Variants in SLC41A2 observed in about 807,000 individuals in gnomAD.
SLC41A2 encodes solute carrier family 41 member 2.
SLC41A2 carries 32 observed loss-of-function variants against 58.3 expected under a neutral mutation model. That is an observed-to-expected ratio of 0.55 (90% CI 0.41 to 0.74). The LOEUF is 0.74. SLC41A2 is among the 30% of genes least tolerant of loss of function. The probability of loss-of-function intolerance (pLI) is 0.00; values close to 1 mark genes in which losing one functional copy is unlikely to be tolerated. For synonymous variants in SLC41A2, 190 were observed against 235.0 expected, an observed-to-expected ratio of 0.81 and a Z score of 1.75; for missense variants, 514 against 680.6, an observed-to-expected ratio of 0.76 and a Z score of 2.72.
intron 10 of SLC41A2, among the ~76,000 whole-genome samples, chr12:104,818,000 ATGATAATTTTG>A (rs1489036721): frequency 6.6e-6 from 1 of 152,234 alleles, no homozygotes; most frequent in African/African-American, 2.4e-5. Flanking sequence ...TCACAAAAAA[ATGATAATTTTG>A]TGAGGAATGG....
intron 10 of SLC41A2, among the ~76,000 whole-genome samples, chr12:104,827,934 G>A (rs1056155214): frequency 2.0e-4 from 30 of 151,762 alleles, no homozygotes; most frequent in African/African-American, 7.0e-4. Flanking sequence ...CTGTGTAGAG[G>A]AGGGCATAGT....
chr12:104,805,458 G>T, intron 10 of SLC41A2, 121 bp from the exon 11 acceptor site: 1 of 646,024 alleles, frequency 1.5e-6, no homozygotes, highest in Non-Finnish European at 2.4e-6. Context: ...CAAGAACCAT[G>T]CTTGAAAATA....
chr12:104,949,281 T>C (rs995274165), intron 1 of SLC41A2, among the ~76,000 whole-genome samples: 2 of 152,156 alleles, frequency 1.3e-5, no homozygotes, highest in Non-Finnish European at 2.9e-5. Context: ...AGAAAAGTAA[T>C]CATATCATAA....
chr12:104,957,724 C>A (rs2048220713), intron 1 of SLC41A2, among the ~76,000 whole-genome samples: 1 of 152,238 alleles, frequency 6.6e-6, no homozygotes, highest in Admixed American at 6.5e-5. Flanking sequence ...GAACAGGCAT[C>A]TGGGGTGTGC....
intron 10 of SLC41A2, among the ~76,000 whole-genome samples, chr12:104,828,407 G>A (rs1319778273): frequency 6.6e-6 from 1 of 152,214 alleles, no homozygotes; most frequent in Admixed American, 6.5e-5. Context: ...AAGAACCCCA[G>A]TATACAGAAA....
At chr12:104,841,042 T>C (rs908566189) in intron 10 of SLC41A2, among the ~76,000 whole-genome samples, 1 of 152,096 alleles carries the variant, frequency 6.6e-6, no homozygotes, top group African/African-American at 2.4e-5. Context: ...TTCAAACATA[T>C]ACAAAAGTAG....
intron 1 of SLC41A2, among the ~76,000 whole-genome samples, chr12:104,943,692 T>G (rs569792893): frequency 1.8e-4 from 28 of 152,140 alleles, no homozygotes; most frequent in Non-Finnish European, 4.0e-4. Context: ...CCAACAGTAC[T>G]TGGGTTTTCC....
intron 10 of SLC41A2, among the ~76,000 whole-genome samples, chr12:104,818,223 GA>G (rs2136229016): frequency 6.6e-6 from 1 of 152,156 alleles, no homozygotes; most frequent in Non-Finnish European, 1.5e-5. Flanking sequence ...AAAAATAATA[GA>G]AAGCAGAATC....
chr12:104,874,353 C>T (rs879689171), intron 6 of SLC41A2, among the ~76,000 whole-genome samples: 7 of 152,088 alleles, frequency 4.6e-5, no homozygotes, highest in African/African-American at 1.2e-4. Flanking sequence ...CGATTACAGG[C>T]GTGAGCCATC....
chr12:104,901,080 A>G (rs774111799), intron 3 of SLC41A2, among the ~76,000 whole-genome samples: 1 of 152,208 alleles, frequency 6.6e-6, no homozygotes, highest in Non-Finnish European at 1.5e-5. Flanking sequence ...CAGATAGTCA[A>G]TTAAGTGTTC....
intron 1 of SLC41A2, among the ~76,000 whole-genome samples, chr12:104,929,284 T>C (rs1258038207): frequency 6.6e-6 from 1 of 152,226 alleles, no homozygotes; most frequent in Non-Finnish European, 1.5e-5. Context: ...TGGAGTCATA[T>C]TTGTAGTTCT....
intron 6 of SLC41A2, among the ~76,000 whole-genome samples, chr12:104,878,326 T>TATAC (rs1555206647): frequency 9.5e-5 from 14 of 148,074 alleles, no homozygotes; most frequent in Non-Finnish European, 1.8e-4. Context: ...TATATATATA[T>TATAC]ACATTTTTTA....
At chr12:104,938,589 A>G (rs1401786120) in intron 1 of SLC41A2, among the ~76,000 whole-genome samples, 1 of 152,232 alleles carries the variant, frequency 6.6e-6, no homozygotes, top group African/African-American at 2.4e-5. Context: ...TGAGAATGGC[A>G]TGTCCTAGGC....
At position 104,909,726 on chromosome 12, in the gene SLC41A2, T is replaced by G. The variant is rs751752307; in HGVS notation, c.592A>C (p.Ile198Leu). ...EVFRKVTEVFILVPALLGLKG... is the reference protein window; with the variant it reads ...EVFRKVTEVFLLVPALLGLKG... ...AGACCAAGAAGTGCAGGGACTAAAA[T>G]GAAAACTTCTGTAACTTTTCTGAAC... Residue 198 changes from isoleucine (I) to leucine (L), a missense_variant, in exon 3 of 11, where the codon ATT becomes CTT. Ile to Leu is a conservative substitution (Grantham distance 5). Transcript: ENST00000258538. 1.2e-5 allele frequency: 19 copies of G among 1,609,750 alleles called. No homozygotes were observed. The highest frequency in any genetic ancestry group is 1.6e-5 in the Non-Finnish European group (19 of 1,178,790).
At chr12:104,900,585 A>G (rs1367397277) in intron 3 of SLC41A2, among the ~76,000 whole-genome samples, 2 of 152,210 alleles carry the variant, frequency 1.3e-5, no homozygotes. Flanking sequence ...TGACTATAAC[A>G]GTTTTCGATT....
chr12:104,904,549 C>T (rs531983605), intron 3 of SLC41A2, among the ~76,000 whole-genome samples: 1 of 152,038 alleles, frequency 6.6e-6, no homozygotes, highest in African/African-American at 2.4e-5. Context: ...TTGGTGGGTT[C>T]TTGGTCTCAC....
intron 4 of SLC41A2, among the ~76,000 whole-genome samples, chr12:104,890,921 T>C (rs777500191): frequency 2.4e-4 from 36 of 152,274 alleles, no homozygotes; most frequent in South Asian, 4.1e-4. Flanking sequence ...GCCTCGTCTG[T>C]GCTTTCTACC....
At chr12:104,933,523 T>C (rs2047147150) in intron 1 of SLC41A2, among the ~76,000 whole-genome samples, 1 of 152,150 alleles carries the variant, frequency 6.6e-6, no homozygotes, top group Non-Finnish European at 1.5e-5. Flanking sequence ...GCAATCCCAC[T>C]ACTGAGTATC....
chr12:104,863,124 T>C (rs76587713), intron 7 of SLC41A2, among the ~76,000 whole-genome samples: 1,909 of 152,334 alleles, frequency 0.013, 53 homozygotes, highest in African/African-American at 0.044. Context: ...ATTTTTATCA[T>C]ATAGATGTGT....
Sources: gnomAD v4.1 joint callset for allele counts (sites outside exome capture counted in the v4.1 genomes callset) on GRCh38, gnomAD v4.1.1 for gene constraint, MANE v1.5 for transcripts, NCBI Gene and HGNC (gene_info 2026-07-23, HGNC 2026-07-21) for gene names.